Variants in DNAJC15 observed in about 807,000 individuals in gnomAD.
The protein encoded by DNAJC15 is DnaJ heat shock protein family (Hsp40) member C15, also known as dnaJ homolog subfamily C member 15.
A neutral mutation model predicts 22.4 loss-of-function variants in DNAJC15; 27 were observed. The observed-to-expected ratio is 1.20, with a 90% CI of 0.89 to 1.66. The LOEUF (loss-of-function observed/expected upper bound fraction) is 1.66. DNAJC15 is among the 40% of genes most tolerant of loss of function. The pLI, the probability that DNAJC15 is intolerant of heterozygous loss-of-function variation, is 0.00. For synonymous variants in DNAJC15, 79 were observed against 63.2 expected (o/e 1.25, Z -1.19); for missense variants, 208 against 187.1 (o/e 1.11, Z -0.65).
At chr13:43,083,369 A>G (rs1004234874) in intron 4 of DNAJC15, among the ~76,000 whole-genome samples, 4 of 152,154 alleles carry the variant, frequency 2.6e-5, no homozygotes, top group South Asian at 4.2e-4. Flanking sequence ...GGGTTTCACC[A>G]TGTTAGCCAG....
At chr13:43,059,844 TTTCGCGGGCATGG>T (rs539799857) in intron 1 of DNAJC15, among the ~76,000 whole-genome samples, 155 of 152,244 alleles carry the variant, frequency 1.0e-3, no homozygotes, top group Non-Finnish European at 1.8e-3. Flanking sequence ...AGGAGCAATG[TTTCGCGGGCATGG>T]GGTGGATCTC....
At chr13:43,094,737 A>T (rs934304893) in intron 5 of DNAJC15, among the ~76,000 whole-genome samples, 1 of 152,126 alleles carries the variant, frequency 6.6e-6, no homozygotes, top group African/African-American at 2.4e-5. Context: ...GTTGAGTTCT[A>T]AATCTTTGAG....
intron 3 of DNAJC15, 85 bp downstream of exon 3, chr13:43,069,088 G>A: frequency 7.6e-7 from 1 of 1,316,460 alleles, no homozygotes; most frequent in Non-Finnish European, 1.0e-6. Context: ...AAATGTCTTG[G>A]ATTTTCCAAT....
intron 4 of DNAJC15, among the ~76,000 whole-genome samples, chr13:43,084,506 T>A (rs1322746879): frequency 6.6e-6 from 1 of 152,214 alleles, no homozygotes; most frequent in Non-Finnish European, 1.5e-5. Flanking sequence ...TTAGCTATTA[T>A]GTTGTGGTTC....
intron 4 of DNAJC15, among the ~76,000 whole-genome samples, chr13:43,082,459 A>G (rs756048222): frequency 1.3e-5 from 2 of 152,244 alleles, no homozygotes; most frequent in Non-Finnish European, 2.9e-5. Flanking sequence ...AAGAGACTTA[A>G]TATAATAATA....
intron 1 of DNAJC15, among the ~76,000 whole-genome samples, chr13:43,053,873 ACCT>A (rs139663070): frequency 0.22 from 33,443 of 151,876 alleles, 4,356 homozygotes; most frequent in Non-Finnish European, 0.3. Context: ...TGACAGTTTG[ACCT>A]CCTCTTTACC....
intron 5 of DNAJC15, among the ~76,000 whole-genome samples, chr13:43,104,937 C>T (rs1345857564): frequency 6.6e-6 from 1 of 152,046 alleles, no homozygotes; most frequent in South Asian, 2.1e-4. Context: ...GATCCTCTCA[C>T]CTCACCCTCC....
chr13:43,104,015 A>G (rs1351681495), intron 5 of DNAJC15, among the ~76,000 whole-genome samples: 1 of 152,192 alleles, frequency 6.6e-6, no homozygotes, highest in Non-Finnish European at 1.5e-5. Context: ...TTATAACAAT[A>G]TATAACCTGC....
intron 5 of DNAJC15, 102 bp from the exon 6 acceptor site, chr13:43,107,076 T>C: frequency 1.1e-6 from 1 of 869,816 alleles, no homozygotes; most frequent in Non-Finnish European, 1.6e-6. Flanking sequence ...AGAGGATTAA[T>C]GTGTGAGACA....
chr13:43,048,908 C>G (rs761483304), intron 1 of DNAJC15, among the ~76,000 whole-genome samples: 1 of 151,864 alleles, frequency 6.6e-6, no homozygotes, highest in Non-Finnish European at 1.5e-5. Context: ...ACGTCTGAAT[C>G]GTCAGATAAA....
In DNAJC15 at chr13:43,033,876, A is replaced by C. The variant is rs551140024; in HGVS notation, c.108+10142A>C. 3.3e-5 allele frequency among the ~76,000 whole-genome samples: 5 copies of C among 152,116 alleles called. No homozygotes were observed. In the South Asian group the frequency reaches 1.0e-3, roughly 32 times the overall value. ...AAACCCGTCTCTACTAAAAATACAA[A>C]AATTAGCCGGGCATGGTAGCAGGTG... is the stretch of plus-strand genomic sequence containing the variant. On this transcript the variant is annotated intron_variant, in intron 1 of 5. Transcript: ENST00000379221.
chr13:43,058,230 G>A (rs777625664), intron 1 of DNAJC15, among the ~76,000 whole-genome samples: 2 of 152,202 alleles, frequency 1.3e-5, no homozygotes, highest in African/African-American at 2.4e-5. Context: ...AGGAGGTAGA[G>A]CTTTCAAGAG....
chr13:43,037,854 G>T (rs530163418), intron 1 of DNAJC15, among the ~76,000 whole-genome samples: 6 of 152,296 alleles, frequency 3.9e-5, no homozygotes, highest in South Asian at 2.1e-4. Flanking sequence ...TGACAAGTAA[G>T]GAGCCAAAAC....
intron 1 of DNAJC15, among the ~76,000 whole-genome samples, chr13:43,051,106 C>T (rs1027212904): frequency 2.0e-5 from 3 of 152,114 alleles, no homozygotes; most frequent in African/African-American, 2.4e-5. Context: ...TCCCGAGTAG[C>T]TGGGATTACA....
In DNAJC15 at chr13:43,031,621, T is replaced by C. The variant is rs138107377; in HGVS notation, c.108+7887T>C. Among the ~76,000 whole-genome samples, 545 of 152,348 alleles carry C rather than the reference T, an allele frequency of 3.6e-3. 5 individuals are homozygous for C. Among genetic ancestry groups the C allele is most frequent in the African/African-American group, 0.012 (502 of 41,568 alleles). Reference sequence around the variant, plus strand: ...CCAGGCTTTATGCTAATGTTTTAAATGCATGAACTCATTTAGTCTATATAA... The same window carrying C: ...CCAGGCTTTATGCTAATGTTTTAAACGCATGAACTCATTTAGTCTATATAA... On this transcript the variant is annotated intron_variant, in intron 1 of 5. Coordinates refer to ENST00000379221, the MANE Select transcript of DNAJC15 (RefSeq NM_013238.3).
rs118060681 is a variant in DNAJC15 at position 43,038,182 on chromosome 13, C to T, written c.108+14448C>T. On this transcript the variant is annotated intron_variant, in intron 1 of 5. Coordinates refer to ENST00000379221, the MANE Select transcript of DNAJC15 (RefSeq NM_013238.3). Reference sequence around the variant, plus strand: ...AATTTTTTGAATCTTAGTTACTAAGCCTAAAGACATTAGTATATTTAAGGT... The same window carrying T: ...AATTTTTTGAATCTTAGTTACTAAGTCTAAAGACATTAGTATATTTAAGGT... Among the ~76,000 whole-genome samples the T allele has an allele frequency of 4.8e-4, 73 of 152,214 alleles. 1 individual carries two copies. In the East Asian group the frequency reaches 0.014, roughly 29 times the overall value.
intron 5 of DNAJC15, among the ~76,000 whole-genome samples, chr13:43,103,408 G>A (rs1300035061): frequency 2.0e-5 from 3 of 152,204 alleles, no homozygotes; most frequent in African/African-American, 7.2e-5. Flanking sequence ...ATTTCAAACA[G>A]GTATATTTTC....
chr13:43,090,536 G>C (rs1255497243), intron 5 of DNAJC15, among the ~76,000 whole-genome samples: 1 of 151,760 alleles, frequency 6.6e-6, no homozygotes, highest in East Asian at 1.9e-4. Context: ...CCTATACATG[G>C]CATAAATTAA....
chr13:43,072,611 A>G (rs1264659166), intron 3 of DNAJC15, among the ~76,000 whole-genome samples: 1 of 148,936 alleles, frequency 6.7e-6, no homozygotes. Flanking sequence ...GACAGAGCCT[A>G]GTAGTGCGGT....
Sources: allele counts gnomAD v4.1 joint callset (sites outside exome capture counted in the v4.1 genomes callset), GRCh38; gene constraint gnomAD v4.1.1; transcripts MANE v1.5; gene names NCBI Gene and HGNC (gene_info 2026-07-23, HGNC 2026-07-21).